The following MRTFB variants were observed in gnomAD, a reference collection of about 807,000 sequenced individuals.
MRTFB encodes the protein myocardin-related transcription factor B.
A neutral mutation model predicts 104.2 loss-of-function variants in MRTFB; 29 were observed. The ratio of observed to expected loss-of-function variants is 0.28; its 90% CI spans 0.21 to 0.38. MRTFB has a LOEUF of 0.38. MRTFB is among the 10% of genes least tolerant of loss of function. The probability of loss-of-function intolerance (pLI) is 1.00; values close to 1 mark genes in which losing one functional copy is unlikely to be tolerated. For missense variants in MRTFB, 1,270 were observed against 1,341.6 expected (o/e 0.95, Z 0.83); for synonymous variants, 535 against 519.5 (o/e 1.03, Z -0.41).
chr16:14,140,610 G>T lies in MRTFB; in HGVS notation c.4G>T (p.Asp2Tyr), dbSNP rs75549726. The T allele has an allele frequency of 7.9e-5, 127 of 1,614,118 alleles. 1 individual carries two copies. The Middle Eastern group carries it at 1.7e-3, about 21-fold the overall frequency. The change falls in exon 3 of 17, where the codon GAT becomes TAT. Residue 2 changes from aspartate to tyrosine, a missense_variant. This residue lies in a region of MRTFB where 62 missense variants were observed against 57.2 expected (regional missense o/e 1.08). Coordinates refer to ENST00000571589, the MANE Select transcript of MRTFB (RefSeq NM_001308142.2). ...TGTTGCCAGTGGCTGGAACACAATGGATCACACAGGGGCGATAGACACCGA... is the reference window on the plus strand; with the variant it reads ...TGTTGCCAGTGGCTGGAACACAATGTATCACACAGGGGCGATAGACACCGA... M[D>Y]HTGAIDTEDE...
At chr16:14,089,704 A>G (rs887634325) in intron 2 of MRTFB, among the ~76,000 whole-genome samples, 3 of 152,186 alleles carry the variant, frequency 2.0e-5, no homozygotes, top group Non-Finnish European at 4.4e-5. Flanking sequence ...GGAAATGCCC[A>G]ACTGTTTTCC....
At chr16:14,009,895 T>C in the MRTFB span, 1 of 152,180 alleles carries the variant, frequency 6.6e-6, no homozygotes, top group African/African-American at 2.4e-5. Context: ...CTACCTAGCA[T>C]TTGCCCCTGC....
At chr16:14,158,585 G>A (rs953928575) in intron 3 of MRTFB, among the ~76,000 whole-genome samples, 52 of 152,196 alleles carry the variant, frequency 3.4e-4, no homozygotes, top group African/African-American at 1.2e-3. Context: ...CACATGAAAG[G>A]TAGTTAATTA....
At position 14,196,915 on chromosome 16, in the gene MRTFB, T is replaced by A. The variant is rs138536426; in HGVS notation, c.155-13328T>A. On this transcript the variant is annotated intron_variant, in intron 3 of 16. Coordinates refer to ENST00000571589, the MANE Select transcript of MRTFB (RefSeq NM_001308142.2). The stretch of plus-strand genomic sequence containing the variant: ...ATAACCCAAAATTTGTGATATTCAG[T>A]TACTACTTTTTATCATCTATGAGAG... Among the ~76,000 whole-genome samples, 19 of 152,206 alleles carry A rather than the reference T, an allele frequency of 1.2e-4. No homozygotes were observed. In the East Asian group the frequency reaches 3.7e-3, roughly 29 times the overall value.
intron 2 of MRTFB, among the ~76,000 whole-genome samples, chr16:14,085,324 G>T (rs2034633087): frequency 6.6e-6 from 1 of 151,914 alleles, no homozygotes; most frequent in Admixed American, 6.6e-5. Flanking sequence ...AGGTGTGGTG[G>T]CGGGCGCCTG....
At chr16:14,231,552 A>G (rs182327160) in intron 8 of MRTFB, among the ~76,000 whole-genome samples, 10 of 150,534 alleles carry the variant, frequency 6.6e-5, no homozygotes, top group African/African-American at 1.2e-4. Flanking sequence ...TCTACCCTCA[A>G]GTAGGCCCCA....
intron 3 of MRTFB, chr16:14,144,035 C>T (rs1021745673): frequency 6.6e-6 from 1 of 152,190 alleles, no homozygotes; most frequent in African/African-American, 2.4e-5. Context: ...CAACACTTTG[C>T]ATTTTAAGGT....
At chr16:14,131,363 G>A (rs571924118) in intron 2 of MRTFB, among the ~76,000 whole-genome samples, 7 of 152,174 alleles carry the variant, frequency 4.6e-5, no homozygotes, top group Non-Finnish European at 8.8e-5. Context: ...AGAATTGTGA[G>A]TAGATGCAAA....
At chr16:14,182,233 T>A (rs1427373816) in intron 3 of MRTFB, among the ~76,000 whole-genome samples, 2 of 152,156 alleles carry the variant, frequency 1.3e-5, no homozygotes, top group Non-Finnish European at 2.9e-5. Context: ...GCTAGGCAGC[T>A]GCCCCGTGGG....
At chr16:14,049,042 T>C in the MRTFB span, among the ~76,000 whole-genome samples, 1 of 152,180 alleles carries the variant, frequency 6.6e-6, no homozygotes, top group Non-Finnish European at 1.5e-5. Context: ...TTTGGCAATG[T>C]CTGGAGCCAT....
At chr16:14,083,220 T>C (rs1261124423) in intron 2 of MRTFB, among the ~76,000 whole-genome samples, 2 of 152,230 alleles carry the variant, frequency 1.3e-5, no homozygotes, top group Admixed American at 6.5e-5. Flanking sequence ...TGCAACTTTA[T>C]TGAATTCATT....
At chr16:14,019,073 C>A in the MRTFB span, 6 of 152,490 alleles carry the variant, frequency 3.9e-5, no homozygotes, top group Admixed American at 1.3e-4. Context: ...ATTGTTTTGT[C>A]TTCTGGTGGC....
upstream of MRTFB, among the ~76,000 whole-genome samples, chr16:14,068,078 C>T (rs2033540983): frequency 6.6e-6 from 1 of 152,148 alleles, no homozygotes; most frequent in African/African-American, 2.4e-5. Context: ...GTGATCCTCT[C>T]ACCTCGGCCT....
chr16:14,096,051 A>AATTT (rs3974321), intron 2 of MRTFB, among the ~76,000 whole-genome samples: 9,067 of 144,250 alleles, frequency 0.063, 433 homozygotes, highest in East Asian at 0.25. Flanking sequence ...GGCAAGCTGA[A>AATTT]ATTTATTTAT....
chr16:14,003,822 C>G, the MRTFB span, among the ~76,000 whole-genome samples: 1 of 152,168 alleles, frequency 6.6e-6, no homozygotes, highest in Non-Finnish European at 1.5e-5. Context: ...GGATGTGAGA[C>G]GATAGGGAAT....
In MRTFB at chr16:14,252,477, G is replaced by A. The variant is rs746074355; in HGVS notation, c.2678G>A (p.Arg893His). ...TATGAGGAGGCCATCAAGCAGACAC[G>A]CAGCACACAGGCCCCTCTGCCAGAG... ...PRYEEAIKQT[R>H]STQAPLPEIS... is the part of the protein sequence containing the mutation. The change falls in exon 15 of 17, where the codon CGC becomes CAC. Residue 893 changes from arginine to histidine, a missense_variant. Physicochemically the swap from Arg to His is conservative, Grantham distance 29 (BLOSUM62 0). This residue lies in a region of MRTFB where 1,144 missense variants were observed against 1,131.5 expected (regional missense o/e 1.01). Coordinates refer to ENST00000571589, the MANE Select transcript of MRTFB (RefSeq NM_001308142.2). 39 of 1,613,624 alleles carry A rather than the reference G, an allele frequency of 2.4e-5. No individual in the cohort carries two copies. Among genetic ancestry groups the A allele is most frequent in the South Asian group, 1.1e-4 (10 of 91,046 alleles).
At chr16:14,226,008 C>A (rs1255057763) in intron 8 of MRTFB, among the ~76,000 whole-genome samples, 1 of 152,124 alleles carries the variant, frequency 6.6e-6, no homozygotes, top group African/African-American at 2.4e-5. Context: ...AAGATGGCAT[C>A]AGACACTCTT....
At chr16:14,129,551 G>A (rs2037333655) in intron 2 of MRTFB, among the ~76,000 whole-genome samples, 1 of 152,012 alleles carries the variant, frequency 6.6e-6, no homozygotes, top group South Asian at 2.1e-4. Flanking sequence ...ATTTCTCTTT[G>A]GTAGATACGT....
At chr16:14,260,801 T>G (rs2043742386) in intron 16 of MRTFB, 108 bp from the exon 17 acceptor site, 2 of 886,332 alleles carry the variant, frequency 2.3e-6, no homozygotes, top group South Asian at 1.8e-5. Flanking sequence ...AAGACGGACG[T>G]GCATAGAAGG....
Sources: gnomAD v4.1 joint callset for allele counts (sites outside exome capture counted in the v4.1 genomes callset) on GRCh38, gnomAD v4.1.1 for gene constraint, gnomAD v4.1.1 regional missense constraint, MANE v1.5 for transcripts, NCBI Gene and HGNC (gene_info 2026-07-23, HGNC 2026-07-21) for gene names.